NTM: variants seen among roughly 807,000 people sequenced by gnomAD.
NTM encodes the protein neurotrimin.
Under a neutral mutation model 42.1 loss-of-function variants are expected in NTM, and 13 were observed. That is an observed-to-expected ratio of 0.31 (90% CI 0.20 to 0.49). The LOEUF is 0.49. Among genes scored for constraint, NTM ranks in the 20% least tolerant of loss-of-function variants. The pLI is 0.99. For missense variants in NTM, 373 were observed against 452.8 expected (o/e 0.82, Z 1.60); for synonymous variants, 187 against 179.2 (o/e 1.04, Z -0.35).
At chr11:131,608,052 C>A (rs189099753) in intron 1 of NTM, among the ~76,000 whole-genome samples, 122 of 152,298 alleles carry the variant, frequency 8.0e-4, no homozygotes, top group African/African-American at 1.1e-3. Flanking sequence ...ATCCCTCCCC[C>A]AACCCCACAA....
intron 1 of NTM, among the ~76,000 whole-genome samples, chr11:131,561,771 A>T (rs893577694): frequency 6.6e-6 from 1 of 152,146 alleles, no homozygotes; most frequent in African/African-American, 2.4e-5. Flanking sequence ...AGAAAGCCTC[A>T]TTCCTTCGGC....
intron 2 of NTM, among the ~76,000 whole-genome samples, chr11:132,088,620 C>T (rs1386750247): frequency 6.6e-6 from 1 of 152,228 alleles, no homozygotes; most frequent in South Asian, 2.1e-4. Flanking sequence ...GGCACACATT[C>T]CTGGTGGCTC....
At chr11:132,306,112 T>A (rs1203744286) in intron 4 of NTM, among the ~76,000 whole-genome samples, 1 of 151,898 alleles carries the variant, frequency 6.6e-6, no homozygotes, top group Admixed American at 6.6e-5. Flanking sequence ...GGCCAAAGAG[T>A]GCTGATCGAA....
At chr11:131,749,129 C>G (rs1056826722) in intron 1 of NTM, among the ~76,000 whole-genome samples, 3 of 152,196 alleles carry the variant, frequency 2.0e-5, no homozygotes, top group African/African-American at 7.2e-5. Flanking sequence ...CAGATGCAGC[C>G]AACTTTACTT....
intron 3 of NTM, among the ~76,000 whole-genome samples, chr11:132,155,616 T>C (rs987858964): frequency 6.6e-6 from 1 of 152,220 alleles, no homozygotes; most frequent in South Asian, 2.1e-4. Context: ...TCCTGTGTTC[T>C]CACAGTTTTG....
At chr11:132,136,821 G>A (rs1423845517) in intron 2 of NTM, among the ~76,000 whole-genome samples, 1 of 152,136 alleles carries the variant, frequency 6.6e-6, no homozygotes, top group Non-Finnish European at 1.5e-5. Context: ...GGATTCTGGG[G>A]TTTGCTGGTT....
intron 2 of NTM, among the ~76,000 whole-genome samples, chr11:132,128,387 A>ACT (rs2066216504): frequency 6.6e-6 from 1 of 152,088 alleles, no homozygotes; most frequent in Admixed American, 6.5e-5. Flanking sequence ...AGTCCTGTTT[A>ACT]CTCTCTCAGC....
intron 1 of NTM, among the ~76,000 whole-genome samples, chr11:131,454,864 G>A (rs1950753461): frequency 2.0e-5 from 3 of 152,066 alleles, no homozygotes; most frequent in Non-Finnish European, 4.4e-5. Context: ...ATTTGGCATA[G>A]TGTAAATAAT....
intron 1 of NTM, among the ~76,000 whole-genome samples, chr11:131,441,180 C>A (rs1949596554): frequency 6.6e-6 from 1 of 152,174 alleles, no homozygotes. Flanking sequence ...CTATATTAAG[C>A]ACAGCTCTTT....
At chr11:131,847,684 C>T (rs1380283820) in intron 1 of NTM, among the ~76,000 whole-genome samples, 2 of 151,938 alleles carry the variant, frequency 1.3e-5, no homozygotes, top group Non-Finnish European at 2.9e-5. Context: ...TATTGATTCC[C>T]TAGTCATGCC....
chr11:132,185,666 T>C (rs2138137214), intron 3 of NTM, among the ~76,000 whole-genome samples: 1 of 151,330 alleles, frequency 6.6e-6, no homozygotes, highest in South Asian at 2.1e-4. Context: ...AAAAAGAGTG[T>C]CTGGTCATTT....
chr11:132,076,380 C>G (rs143474805), intron 2 of NTM, among the ~76,000 whole-genome samples: 196 of 152,216 alleles, frequency 1.3e-3, no homozygotes, highest in African/African-American at 4.6e-3. Flanking sequence ...TTAGCTGATC[C>G]CCATTGTGTT....
At chr11:131,568,146 A>G (rs1264544869) in intron 1 of NTM, among the ~76,000 whole-genome samples, 1 of 152,194 alleles carries the variant, frequency 6.6e-6, no homozygotes, top group Non-Finnish European at 1.5e-5. Flanking sequence ...AATTTGCCTA[A>G]ATCATTATTA....
chr11:131,656,318 A>G (rs923177541), intron 1 of NTM, among the ~76,000 whole-genome samples: 60 of 152,230 alleles, frequency 3.9e-4, no homozygotes, highest in African/African-American at 1.4e-3. Context: ...GTCCTTTAAA[A>G]AGACTTGCCT....
At chr11:131,931,944 G>C (rs2058678871) in intron 2 of NTM, among the ~76,000 whole-genome samples, 1 of 152,222 alleles carries the variant, frequency 6.6e-6, no homozygotes, top group Admixed American at 6.5e-5. Context: ...CCTCAGAGTT[G>C]TGCGTGGCCT....
intron 1 of NTM, among the ~76,000 whole-genome samples, chr11:131,882,190 G>A (rs2049639819): frequency 6.6e-6 from 1 of 152,204 alleles, no homozygotes; most frequent in Non-Finnish European, 1.5e-5. Context: ...ATGTATGTGT[G>A]TGTGTCTTTC....
At chr11:132,164,990 T>C (rs2075032119) in intron 3 of NTM, among the ~76,000 whole-genome samples, 1 of 152,070 alleles carries the variant, frequency 6.6e-6, no homozygotes, top group Non-Finnish European at 1.5e-5. Flanking sequence ...TATTCTCAGC[T>C]CCCCCTCCCC....
At chr11:131,767,858 A>G (rs977206314) in intron 1 of NTM, among the ~76,000 whole-genome samples, 1 of 152,086 alleles carries the variant, frequency 6.6e-6, no homozygotes, top group African/African-American at 2.4e-5. Flanking sequence ...CCAAGCGAGG[A>G]GACAGGAGAG....
At chr11:132,180,571 T>C (rs1467289563) in intron 3 of NTM, among the ~76,000 whole-genome samples, 2 of 151,746 alleles carry the variant, frequency 1.3e-5, no homozygotes, top group East Asian at 3.9e-4. Flanking sequence ...TCTAGAAAAG[T>C]AAAAACAAAA....
Sources: allele counts gnomAD v4.1 joint callset (sites outside exome capture counted in the v4.1 genomes callset), GRCh38; gene constraint gnomAD v4.1.1; transcripts MANE v1.5; gene names NCBI Gene and HGNC (gene_info 2026-07-23, HGNC 2026-07-21).